The following RANBP2 variants were observed in gnomAD, a reference collection of about 807,000 sequenced individuals.
RANBP2 encodes the protein RAN binding protein 2.
RANBP2 carries 57 observed loss-of-function variants against 303.6 expected under a neutral mutation model. The ratio of observed to expected loss-of-function variants is 0.19; its 90% confidence interval spans 0.15 to 0.23. The LOEUF (loss-of-function observed/expected upper bound fraction) is 0.23. Among genes scored for constraint, RANBP2 ranks in the 10% least tolerant of loss-of-function variants. RANBP2 has a pLI of 1.00. For synonymous variants in RANBP2, 1,167 were observed against 1,301.5 expected, an observed-to-expected ratio of 0.90 and a Z score of 2.23; for missense variants, 3,138 against 3,780.8, an observed-to-expected ratio of 0.83 and a Z score of 4.46.
the RANBP2 span, among the ~76,000 whole-genome samples, chr2:108,870,152 G>A: frequency 6.6e-6 from 1 of 152,208 alleles, no homozygotes; most frequent in African/African-American, 2.4e-5. Context: ...CAAAATTTCT[G>A]TCAACAAAGA....
chr2:109,650,386 A>G, the RANBP2 span, among the ~76,000 whole-genome samples: 1 of 152,234 alleles, frequency 6.6e-6, no homozygotes, highest in Non-Finnish European at 1.5e-5. Flanking sequence ...TCCAAAAGCC[A>G]GGACCACCTA....
chr2:109,211,992 A>C, the RANBP2 span, among the ~76,000 whole-genome samples: 1 of 152,226 alleles, frequency 6.6e-6, no homozygotes, highest in Non-Finnish European at 1.5e-5. Flanking sequence ...TGTGAATGCC[A>C]CTGAATTCAA....
chr2:109,525,097 G>A, the RANBP2 span, among the ~76,000 whole-genome samples: 4 of 117,972 alleles, frequency 3.4e-5, no homozygotes, highest in African/African-American at 1.3e-4. Context: ...TTTTTTTTTT[G>A]TGGTTATGGA....
At chr2:108,971,345 T>A in the RANBP2 span, among the ~76,000 whole-genome samples, 1 of 151,950 alleles carries the variant, frequency 6.6e-6, no homozygotes, top group Non-Finnish European at 1.5e-5. Flanking sequence ...AATGCCAAAT[T>A]TCAGGCCGCA....
the RANBP2 span, among the ~76,000 whole-genome samples, chr2:109,196,290 C>T: frequency 1.3e-5 from 2 of 152,194 alleles, no homozygotes; most frequent in African/African-American, 4.8e-5. Context: ...CTGCTCCAGG[C>T]CAGCAGCCCT....
chr2:109,435,277 C>T, the RANBP2 span, among the ~76,000 whole-genome samples: 1 of 152,200 alleles, frequency 6.6e-6, no homozygotes, highest in Non-Finnish European at 1.5e-5. Context: ...GTCTTTATCC[C>T]CAGAAGTGGA....
the RANBP2 span, chr2:108,908,135 T>C: frequency 1.6e-6 from 2 of 1,222,662 alleles, no homozygotes; most frequent in African/African-American, 3.1e-5. Context: ...GGCAATGACT[T>C]GTTTTTCAGG....
At chr2:109,367,484 G>A in the RANBP2 span, among the ~76,000 whole-genome samples, 1 of 151,918 alleles carries the variant, frequency 6.6e-6, no homozygotes, top group Non-Finnish European at 1.5e-5. Context: ...GTTTCACCAT[G>A]TCGGCCAGGC....
chr2:108,950,756 G>A, the RANBP2 span, among the ~76,000 whole-genome samples: 6 of 152,364 alleles, frequency 3.9e-5, no homozygotes, highest in South Asian at 1.0e-3. Flanking sequence ...GGAGATGTAA[G>A]TGCAAGATAT....
At chr2:109,279,731 G>C in the RANBP2 span, among the ~76,000 whole-genome samples, 1 of 142,942 alleles carries the variant, frequency 7.0e-6, no homozygotes, top group Non-Finnish European at 1.5e-5. Context: ...TTGAAATTCA[G>C]TACGCTTGGG....
chr2:108,849,133 T>C, the RANBP2 span, among the ~76,000 whole-genome samples: 2 of 151,878 alleles, frequency 1.3e-5, no homozygotes, highest in African/African-American at 4.8e-5. Flanking sequence ...AAACGACTAG[T>C]GAACTGGGAT....
At chr2:109,277,353 A>G in the RANBP2 span, among the ~76,000 whole-genome samples, 1 of 152,134 alleles carries the variant, frequency 6.6e-6, no homozygotes, top group Admixed American at 6.5e-5. Flanking sequence ...TCTCAGTGTC[A>G]TTTCATTTAC....
the RANBP2 span, among the ~76,000 whole-genome samples, chr2:109,683,615 C>T: frequency 6.6e-6 from 1 of 152,154 alleles, no homozygotes; most frequent in East Asian, 1.9e-4. Context: ...TGACCATGCG[C>T]CTGGCCGGCC....
the RANBP2 span, among the ~76,000 whole-genome samples, chr2:109,171,339 A>G: frequency 1.3e-5 from 2 of 152,150 alleles, no homozygotes; most frequent in East Asian, 1.9e-4. Context: ...TAAGAATTCA[A>G]AGTTTTTGTC....
At chr2:109,481,068 C>T in the RANBP2 span, among the ~76,000 whole-genome samples, 1 of 152,208 alleles carries the variant, frequency 6.6e-6, no homozygotes, top group Admixed American at 6.5e-5. Context: ...AGCCTGAGGG[C>T]ATTTCTCACC....
At chr2:109,156,134 T>C in the RANBP2 span, among the ~76,000 whole-genome samples, 7 of 152,356 alleles carry the variant, frequency 4.6e-5, no homozygotes, top group African/African-American at 1.7e-4. Context: ...TCCCAATTTC[T>C]GCATTGTCTG....
chr2:109,226,456 G>A, the RANBP2 span, among the ~76,000 whole-genome samples: 27 of 152,190 alleles, frequency 1.8e-4, no homozygotes, highest in Admixed American at 1.1e-3. Context: ...AGTCCTCATC[G>A]TTAAGTAAGT....
the RANBP2 span, among the ~76,000 whole-genome samples, chr2:108,792,626 G>A: frequency 6.6e-6 from 1 of 152,178 alleles, no homozygotes; most frequent in Admixed American, 6.5e-5. Flanking sequence ...GCTGAACTGA[G>A]TGAAGTGAAG....
chr2:109,714,601 T>G, the RANBP2 span, among the ~76,000 whole-genome samples: 1 of 151,548 alleles, frequency 6.6e-6, no homozygotes, highest in Admixed American at 6.6e-5. Flanking sequence ...TGCCCGAGCT[T>G]TATTTTATTT....
Sources: allele counts gnomAD v4.1 joint callset (sites outside exome capture counted in the v4.1 genomes callset), GRCh38; gene constraint gnomAD v4.1.1; transcripts MANE v1.5; gene names NCBI Gene and HGNC (gene_info 2026-07-23, HGNC 2026-07-21).